The following RGS7 variants were observed in gnomAD, a reference collection of about 807,000 sequenced individuals.
RGS7 encodes the protein regulator of G-protein signaling 7.
RGS7 carries 27 observed loss-of-function variants against 81.1 expected under a neutral mutation model. The ratio of observed to expected loss-of-function variants is 0.33; its 90% CI spans 0.25 to 0.46. The LOEUF is 0.46. Among genes scored for constraint, RGS7 ranks in the 20% least tolerant of loss-of-function variants. The pLI is 1.00. For synonymous variants in RGS7, 208 were observed against 207.7 expected (o/e 1.00, Z -0.01); for missense variants, 396 against 607.4 (o/e 0.65, Z 3.66).
chr1:241,101,524 AAAG>A (rs2064739142), intron 2 of RGS7, among the ~76,000 whole-genome samples: 1 of 152,008 alleles, frequency 6.6e-6, no homozygotes, highest in Non-Finnish European at 1.5e-5. Context: ...AATAAATAAA[AAAG>A]AAAGAAAAAA....
intron 9 of RGS7, among the ~76,000 whole-genome samples, chr1:240,851,364 C>A (rs1373172927): frequency 6.6e-6 from 1 of 152,100 alleles, no homozygotes. Flanking sequence ...ATTTAAAGCC[C>A]AGTGTTGAGA....
At chr1:241,043,496 A>G (rs1468243405) in intron 3 of RGS7, among the ~76,000 whole-genome samples, 1 of 149,156 alleles carries the variant, frequency 6.7e-6, no homozygotes, top group Non-Finnish European at 1.5e-5. Flanking sequence ...ACCCGCTAAT[A>G]TGGAGGGTCA....
intron 18 of RGS7, among the ~76,000 whole-genome samples, chr1:240,783,968 G>C (rs1257316940): frequency 6.8e-6 from 1 of 146,006 alleles, no homozygotes; most frequent in Non-Finnish European, 1.5e-5. Context: ...CTGAGGTCAG[G>C]AGTTTAAGAC....
At chr1:241,093,834 CTT>C (rs56006831) in intron 3 of RGS7, among the ~76,000 whole-genome samples, 1 of 147,760 alleles carries the variant, frequency 6.8e-6, no homozygotes. Flanking sequence ...ATGTACACTC[CTT>C]TTTTTTTTGC....
chr1:240,969,846 G>T (rs1242489226), intron 4 of RGS7, among the ~76,000 whole-genome samples: 1 of 152,216 alleles, frequency 6.6e-6, no homozygotes, highest in Admixed American at 6.5e-5. Context: ...TCTGTGAAGT[G>T]AAGGTGACAT....
At chr1:240,959,695 CCAT>C (rs1369900943) in intron 4 of RGS7, among the ~76,000 whole-genome samples, 1 of 152,008 alleles carries the variant, frequency 6.6e-6, no homozygotes, top group Non-Finnish European at 1.5e-5. Flanking sequence ...GGACACTTCA[CCAT>C]AACATCTTGA....
At chr1:241,212,597 TCAG>T (rs1466274480) in intron 2 of RGS7, among the ~76,000 whole-genome samples, 1 of 152,180 alleles carries the variant, frequency 6.6e-6, no homozygotes, top group Non-Finnish European at 1.5e-5. Context: ...AGGGTAGTAC[TCAG>T]TTGCATCTGA....
At chr1:240,860,757 T>C (rs899625531) in intron 9 of RGS7, among the ~76,000 whole-genome samples, 1 of 152,276 alleles carries the variant, frequency 6.6e-6, no homozygotes, top group East Asian at 1.9e-4. Flanking sequence ...CAAACTGACC[T>C]TGTATCAGGG....
chr1:240,937,119 T>C (rs2148378177), intron 4 of RGS7, among the ~76,000 whole-genome samples: 1 of 152,298 alleles, frequency 6.6e-6, no homozygotes, highest in Non-Finnish European at 1.5e-5. Flanking sequence ...ATTAGCCATA[T>C]TCAATTTTAA....
chr1:240,822,972 A>G, intron 10 of RGS7: 1 of 521,990 alleles, frequency 1.9e-6, no homozygotes, highest in Non-Finnish European at 3.5e-6. Context: ...TTTTTTCATC[A>G]GGGGCTATTC....
intron 2 of RGS7, among the ~76,000 whole-genome samples, chr1:241,176,636 T>C (rs2071168169): frequency 6.6e-6 from 1 of 152,136 alleles, no homozygotes; most frequent in African/African-American, 2.4e-5. Context: ...TACATAAAGA[T>C]GCTGCATTTG....
chr1:241,287,309 G>A (rs1181775292), intron 2 of RGS7, among the ~76,000 whole-genome samples: 1 of 152,186 alleles, frequency 6.6e-6, no homozygotes, highest in Non-Finnish European at 1.5e-5. Context: ...TGTGTTGTGG[G>A]AGGGACCCAG....
intron 3 of RGS7, among the ~76,000 whole-genome samples, chr1:241,094,883 T>G (rs571126617): frequency 6.6e-6 from 1 of 152,088 alleles, no homozygotes; most frequent in Admixed American, 6.5e-5. Context: ...AGCATGGGAG[T>G]TGTCTGGTGG....
At chr1:240,982,529 G>A (rs1391375679) in intron 4 of RGS7, among the ~76,000 whole-genome samples, 3 of 151,526 alleles carry the variant, frequency 2.0e-5, no homozygotes, top group Admixed American at 2.0e-4. Flanking sequence ...CCCTTACTTT[G>A]GAAATTAGTT....
chr1:241,028,572 A>G (rs906253365), intron 3 of RGS7, among the ~76,000 whole-genome samples: 3 of 152,162 alleles, frequency 2.0e-5, no homozygotes, highest in African/African-American at 7.2e-5. Context: ...CCAGGAGAGC[A>G]CGGGATGAAA....
chr1:241,202,877 A>T (rs1323477321), intron 2 of RGS7, among the ~76,000 whole-genome samples: 2 of 152,080 alleles, frequency 1.3e-5, no homozygotes, highest in African/African-American at 4.8e-5. Flanking sequence ...TCTATGCCTA[A>T]CCTTGGGGGA....
At chr1:240,900,337 G>A (rs1669780834) in intron 6 of RGS7, among the ~76,000 whole-genome samples, 5 of 152,172 alleles carry the variant, frequency 3.3e-5, no homozygotes, top group Admixed American at 3.3e-4. Context: ...TTGCTGGCGA[G>A]GAGCTGCATT....
intron 4 of RGS7, among the ~76,000 whole-genome samples, chr1:240,975,823 G>A (rs577644872): frequency 6.6e-6 from 1 of 152,356 alleles, no homozygotes; most frequent in Admixed American, 6.5e-5. Flanking sequence ...ACTTATCACA[G>A]AAGGGCAGGT....
At chr1:241,330,921 C>T (rs1196809565) in intron 2 of RGS7, among the ~76,000 whole-genome samples, 2 of 152,136 alleles carry the variant, frequency 1.3e-5, no homozygotes, top group African/African-American at 4.8e-5. Context: ...ACACATACCC[C>T]CTAAATCTAT....
Sources: gnomAD v4.1 joint callset for allele counts (sites outside exome capture counted in the v4.1 genomes callset) on GRCh38, gnomAD v4.1.1 for gene constraint, MANE v1.5 for transcripts, NCBI Gene and HGNC (gene_info 2026-07-23, HGNC 2026-07-21) for gene names.